Variants in LCMT1 observed in about 807,000 individuals in gnomAD.
LCMT1 encodes the protein [Phosphatase 2A protein]-leucine-carboxy methyltransferase 1.
LCMT1 carries 32 observed loss-of-function variants against 47.7 expected under a neutral mutation model. The observed-to-expected ratio is 0.67, with a 90% CI of 0.51 to 0.90. LCMT1 has a LOEUF of 0.90. LCMT1 is among the 40% of genes least tolerant of loss of function. The probability of loss-of-function intolerance (pLI) is 0.00; values close to 1 mark genes in which losing one functional copy is unlikely to be tolerated. For synonymous variants in LCMT1, 152 were observed against 149.7 expected (o/e 1.02, Z -0.11); for missense variants, 375 against 415.2 (o/e 0.90, Z 0.84).
chr16:25,164,510 GC>G, intron 6 of LCMT1, 87 bp from the exon 7 acceptor site: 1 of 1,548,186 alleles, frequency 6.5e-7, no homozygotes, highest in Non-Finnish European at 8.8e-7. Context: ...GGCATGGACC[GC>G]CCCACCAATA....
Position 25,117,851 on chromosome 16 carries a change from CAAA to C in LCMT1, c.113+5870_113+5872del, listed in dbSNP as rs796928842. Among the ~76,000 whole-genome samples, 6 of 111,620 alleles carry C rather than the reference CAAA, an allele frequency of 5.4e-5. No homozygotes were observed. In the East Asian group the frequency reaches 1.2e-3, roughly 23 times the overall value. 73.2% of individuals were successfully genotyped at this position (111,620 alleles called of 152,430 possible). On this transcript the variant is annotated intron_variant, in intron 1 of 10. Coordinates refer to ENST00000399069, the MANE Select transcript of LCMT1 (RefSeq NM_016309.3). Reference sequence around the variant, plus strand: ...TGGGCGACAGAGAGAGACTCCGTCTCAAAAAAAAAAAAAAAAATTTGACATCAT... The same window carrying C: ...TGGGCGACAGAGAGAGACTCCGTCTCAAAAAAAAAAAAAATTTGACATCAT...
intron 1 of LCMT1, among the ~76,000 whole-genome samples, chr16:25,123,581 C>T (rs1007435203): frequency 2.1e-5 from 3 of 145,192 alleles, no homozygotes; most frequent in Non-Finnish European, 4.5e-5. Context: ...TCATGCTTGA[C>T]TTCCCGTTAA....
At chr16:25,117,162 G>A (rs947777338) in intron 1 of LCMT1, among the ~76,000 whole-genome samples, 1 of 152,168 alleles carries the variant, frequency 6.6e-6, no homozygotes, top group Non-Finnish European at 1.5e-5. Flanking sequence ...AGCTGTGTGG[G>A]AGAAGGGTTG....
rs571994139 is a variant in LCMT1 at position 25,115,738 on chromosome 16, C to T, written c.113+3742C>T. ...TGTTGCCCAGGCTGGAGTGCAGTGG[C>T]GCGATGTTGGTTCACTGCAACCTCT... On this transcript the variant is annotated intron_variant, in intron 1 of 10. Transcript: ENST00000399069. 1.6e-3 allele frequency among the ~76,000 whole-genome samples: 245 copies of T among 152,248 alleles called. 1 individual carries two copies. The highest frequency in any genetic ancestry group is 5.4e-3 in the African/African-American group (223 of 41,534).
chr16:25,150,271 G>A (rs34183499), intron 4 of LCMT1, among the ~76,000 whole-genome samples: 34,106 of 150,472 alleles, frequency 0.23, 4,020 homozygotes, highest in East Asian at 0.34. Flanking sequence ...CTAGGAAAGG[G>A]TGGAGCTGAG....
At chr16:25,174,349 T>C (rs1292879884) in intron 9 of LCMT1, among the ~76,000 whole-genome samples, 1 of 152,256 alleles carries the variant, frequency 6.6e-6, no homozygotes, top group Non-Finnish European at 1.5e-5. Context: ...CTACCTTCTC[T>C]CTTAAGAGAC....
chr16:25,113,594 C>T (rs1168744335), intron 1 of LCMT1, among the ~76,000 whole-genome samples: 1 of 152,176 alleles, frequency 6.6e-6, no homozygotes, highest in Non-Finnish European at 1.5e-5. Flanking sequence ...TTAATAAATA[C>T]ACAAGTATTA....
intron 1 of LCMT1, among the ~76,000 whole-genome samples, chr16:25,120,547 C>T (rs1959942361): frequency 6.6e-6 from 1 of 151,804 alleles, no homozygotes; most frequent in Admixed American, 6.6e-5. Context: ...GCCTCAGCCT[C>T]CCAAGTAGCT....
chr16:25,168,925 T>G (rs1490093498), intron 7 of LCMT1, among the ~76,000 whole-genome samples, 187 bp from the exon 8 acceptor site: 10 of 152,170 alleles, frequency 6.6e-5, no homozygotes, highest in African/African-American at 2.4e-4. Context: ...CAGTTTCCCT[T>G]CCAGGGCTAC....
Position 25,117,325 on chromosome 16 carries a change from T to C in LCMT1, c.113+5329T>C, listed in dbSNP as rs1597555244. Among the ~76,000 whole-genome samples, 3 of 152,190 alleles carry C rather than the reference T, an allele frequency of 2.0e-5. No individual in the cohort carries two copies. In the East Asian group the frequency reaches 5.8e-4, roughly 29 times the overall value. Reference sequence around the variant, plus strand: ...ATTCTGTCACTCACCTAAAAACCTTTTGATTCCCCATCAGCTGCAAGGTAA... The same window carrying C: ...ATTCTGTCACTCACCTAAAAACCTTCTGATTCCCCATCAGCTGCAAGGTAA... On this transcript the variant is annotated intron_variant, in intron 1 of 10. Transcript: ENST00000399069.
chr16:25,173,705 C>CT (rs1248645950), intron 9 of LCMT1, among the ~76,000 whole-genome samples: 7 of 145,194 alleles, frequency 4.8e-5, no homozygotes, highest in East Asian at 4.2e-4. Context: ...TTGACAGAAA[C>CT]TTTTTTTTTG....
chr16:25,131,963 A>G (rs1437463339), intron 2 of LCMT1: 1 of 209,008 alleles, frequency 4.8e-6, no homozygotes, highest in Non-Finnish European at 1.0e-5. Context: ...AGGATAACAA[A>G]TATAGCTTCC....
chr16:25,165,711 T>G (rs1961570710), intron 7 of LCMT1, among the ~76,000 whole-genome samples: 1 of 151,534 alleles, frequency 6.6e-6, no homozygotes, highest in South Asian at 2.1e-4. Context: ...GAGATGGGGT[T>G]TCACCATTTT....
intron 4 of LCMT1, chr16:25,142,302 C>T (rs886652651): frequency 2.0e-5 from 3 of 152,190 alleles, no homozygotes; most frequent in South Asian, 2.1e-4. Context: ...AGAGAAAACC[C>T]GGTGGGATTT....
chr16:25,155,781 A>G (rs1961237184), intron 5 of LCMT1, among the ~76,000 whole-genome samples: 1 of 151,040 alleles, frequency 6.6e-6, no homozygotes, highest in Non-Finnish European at 1.5e-5. Context: ...CCTGGGCTCC[A>G]GTGATCCTCC....
At chr16:25,156,915 C>A (rs1961274232) in intron 5 of LCMT1, among the ~76,000 whole-genome samples, 1 of 148,870 alleles carries the variant, frequency 6.7e-6, no homozygotes, top group Non-Finnish European at 1.5e-5. Context: ...GTCCGGAAAT[C>A]TGCCTGAGGC....
chr16:25,158,540 C>T (rs1215804025), intron 5 of LCMT1, among the ~76,000 whole-genome samples: 1 of 152,222 alleles, frequency 6.6e-6, no homozygotes, highest in Non-Finnish European at 1.5e-5. Context: ...GATTGTAGAT[C>T]TCATTTTGGC....
intron 7 of LCMT1, among the ~76,000 whole-genome samples, chr16:25,168,079 C>T (rs768699019): frequency 4.9e-5 from 7 of 144,288 alleles, no homozygotes; most frequent in Non-Finnish European, 1.1e-4. Flanking sequence ...GACAGAGTCT[C>T]GCTCTGTCAT....
chr16:25,173,476 G>T (rs1474519836), intron 9 of LCMT1, among the ~76,000 whole-genome samples: 2 of 152,148 alleles, frequency 1.3e-5, no homozygotes, highest in African/African-American at 4.8e-5. Context: ...ACCAAGACGG[G>T]AATGAACTCA....
Sources: allele counts gnomAD v4.1 joint callset (sites outside exome capture counted in the v4.1 genomes callset), GRCh38; gene constraint gnomAD v4.1.1; transcripts MANE v1.5; gene names NCBI Gene and HGNC (gene_info 2026-07-23, HGNC 2026-07-21).